The following LMNTD2 variants were observed in gnomAD, a reference collection of about 807,000 sequenced individuals.
The protein encoded by LMNTD2 is lamin tail domain-containing protein 2.
A neutral mutation model predicts 70.1 loss-of-function variants in LMNTD2; 83 were observed. That is an observed-to-expected ratio of 1.18 (90% CI 0.99 to 1.42). LMNTD2 has a LOEUF of 1.42. LMNTD2 is among the 40% of genes most tolerant of loss of function. LMNTD2 has a pLI of 0.00. For synonymous variants in LMNTD2, 534 were observed against 406.1 expected (o/e 1.31, Z -3.79); for missense variants, 1,153 against 905.9 (o/e 1.27, Z -3.50).
At chr11:559,905 A>AC (rs1401338541) in intron 1 of LMNTD2, 1 of 341,212 alleles carries the variant, frequency 2.9e-6, no homozygotes, top group African/African-American at 2.2e-5. Context: ...AACTACAGGC[A>AC]CCCGCCTCCA....
In LMNTD2 at chr11:558,028, G is replaced by A. The variant is rs879462920; in HGVS notation, c.411C>T (p.His137=). 2 of 1,579,658 alleles carry A rather than the reference G, an allele frequency of 1.3e-6. No homozygotes were observed. The highest frequency in any genetic ancestry group is 1.8e-5 in the Admixed American group (1 of 57,002). Residue 137 remains histidine, a synonymous_variant, in exon 5 of 14, where the codon CAC becomes CAT. Transcript: ENST00000329451. ...QKERAQWEKE[H]LEERLLQTTR... is the part of the protein sequence containing the mutation. The stretch of plus-strand genomic sequence containing the variant: ...TGGTCTGCAGCAGCCGCTCCTCCAG[G>A]TGCTCCTTCTCCTGCTCCGAGAGGG...
rs1019674211 is a variant in LMNTD2 at position 558,463 on chromosome 11, C to T, written c.311+151G>A. 6.0e-5 allele frequency: 67 copies of T among 1,120,372 alleles called. No individual in the cohort carries two copies. In the African/African-American group the frequency reaches 8.6e-4, roughly 14 times the overall value. 69.4% of individuals were successfully genotyped at this position (1,120,372 alleles called of 1,614,324 possible). ...CGCAGGGTTAGGGTGGAGGCTATAG[C>T]GTGTTAACTTAGGATCAGGGTGGAG... On this transcript the variant is annotated intron_variant, in intron 3 of 13. Coordinates refer to ENST00000329451, the MANE Select transcript of LMNTD2 (RefSeq NM_173573.3).
chr11:555,687 CG>C, intron 12 of LMNTD2, 46 bp downstream of exon 12: 1 of 1,362,788 alleles, frequency 7.3e-7, no homozygotes, highest in Non-Finnish European at 9.4e-7. Context: ...TCTGCTGGGT[CG>C]GGGCCTGGGG....
intron 7 of LMNTD2, 47 bp downstream of exon 7, chr11:557,352 G>A (rs1262878613): frequency 6.4e-7 from 1 of 1,550,738 alleles, no homozygotes; most frequent in Admixed American, 1.9e-5. Flanking sequence ...TTGCCAAGGT[G>A]AGCCCTCCCT....
At position 557,155 on chromosome 11, in the gene LMNTD2, G is replaced by A. The variant is rs549885966; in HGVS notation, c.714-58C>T. The A allele has an allele frequency of 6.3e-4, 953 of 1,507,998 alleles. 1 individual carries two copies. Among genetic ancestry groups the A allele is most frequent in the Non-Finnish European group, 8.1e-4 (916 of 1,124,618 alleles). The allele number at this position is 1,507,998 out of a possible 1,614,324, so 93.4% of individuals were successfully genotyped here. On this transcript the variant is annotated intron_variant, in intron 7 of 13. Coordinates refer to ENST00000329451, the MANE Select transcript of LMNTD2 (RefSeq NM_173573.3). ...AGCTCCAGACCCCAGCCCTGCCCCC[G>A]TCCAGCCTCACAAGGCAGTGCAGCA...
intron 1 of LMNTD2, chr11:559,312 T>TC: frequency 7.2e-7 from 1 of 1,395,912 alleles, no homozygotes; most frequent in Non-Finnish European, 9.5e-7. Flanking sequence ...CTCTCTCTTG[T>TC]CCCCCCAGCT....
rs770792181 is a variant in LMNTD2 at position 556,301 on chromosome 11, C to G, written c.1148G>C (p.Ser383Thr). The G allele has an allele frequency of 5.9e-6, 9 of 1,535,488 alleles. No homozygotes were observed. Among genetic ancestry groups the G allele is most frequent in the Middle Eastern group, 1.7e-4 (1 of 5,940 alleles). ...FVRIFNPSQE[S>T]TADLSGMVLK... ...CACCATGCCGCTCAGGTCGGCCGTG[C>G]TCTCCTGCGACGGGTTGAAGATGCG... Residue 383 changes from serine (S) to threonine (T), a missense_variant, in exon 10 of 14, where the codon AGC (serine) becomes ACC (threonine). Physicochemically the swap from Ser to Thr is moderately conservative, Grantham distance 58. Coordinates refer to ENST00000329451, the MANE Select transcript of LMNTD2 (RefSeq NM_173573.3).
In LMNTD2 at chr11:558,989, A is replaced by T; in HGVS notation, c.35-10T>A. 6.3e-7 allele frequency: 1 copy of T among 1,597,414 alleles called. No individual in the cohort carries two copies. Among genetic ancestry groups the T allele is most frequent in the Non-Finnish European group, 8.5e-7 (1 of 1,178,336 alleles). On this transcript the variant is annotated splice_polypyrimidine_tract_variant and intron_variant, in intron 1 of 13. Transcript: ENST00000329451. ...CTGACCGACTCTTGCTCTGTGGGGGACAGGAGAGCCTCTTCCTCGGTTTCT... is the reference window on the plus strand; with the variant it reads ...CTGACCGACTCTTGCTCTGTGGGGGTCAGGAGAGCCTCTTCCTCGGTTTCT...
rs1307029508 is a variant in LMNTD2 at position 556,834 on chromosome 11, C to G, written c.976+1G>C. 2 of 1,567,642 alleles carry G rather than the reference C, an allele frequency of 1.3e-6. No homozygotes were observed. Among genetic ancestry groups the G allele is most frequent in the East Asian group, 4.6e-5 (2 of 43,654 alleles). On this transcript the variant is annotated splice_donor_variant, in intron 8 of 13. Transcript: ENST00000329451. LOFTEE classifies it high-confidence loss of function. ...ACCAGGGGAGACCCGCCCCACTGCA[C>G]CTTCTGAGTCCCTGCTGTAGCTGCC...
rs1198956579 is a variant in LMNTD2, at chr11:557,419, C to T, written c.693G>A (p.Met231Ile). ...GTTACTTTTGCTTTGAGCTGGGCTC[C>T]ATGTTGGTGAAGAGGTTGGGATACC... Reference protein sequence around the residue: ...ARRYPNLFTNMEPSSKQKQPR... With the variant: ...ARRYPNLFTNIEPSSKQKQPR... The change falls in exon 7 of 14, where the codon ATG becomes ATA. Residue 231 changes from methionine (M) to isoleucine (I), a missense_variant. By Grantham distance (10) the Met-to-Ile change is conservative (BLOSUM62 1). Transcript: ENST00000329451. 13 of 1,607,488 alleles carry T rather than the reference C, an allele frequency of 8.1e-6. No homozygotes were observed. The highest frequency in any genetic ancestry group is 1.1e-5 in the Non-Finnish European group (13 of 1,176,866).
At position 556,987 on chromosome 11, in the gene LMNTD2, G is replaced by C; in HGVS notation, c.824C>G (p.Thr275Ser). 6.2e-7 allele frequency: 1 copy of C among 1,608,068 alleles called. No homozygotes were observed. Among genetic ancestry groups the C allele is most frequent in the Non-Finnish European group, 8.5e-7 (1 of 1,179,118 alleles). The change falls in exon 8 of 14, where the codon ACC becomes AGC. Residue 275 changes from threonine to serine, a missense_variant. Thr to Ser is a moderately conservative substitution (Grantham distance 58). Transcript: ENST00000329451. The part of the protein sequence containing the change: ...VEWGSLPCLN[T>S]SSSGGADSDS... ...GGAGTCAGCGCCCCCTGAGCTGCTG[G>C]TGTTCAGACAGGGCAGGGAGCCCCA...
At chr11:559,516 G>C in intron 1 of LMNTD2, 2 of 1,269,544 alleles carry the variant, frequency 1.6e-6, no homozygotes, top group South Asian at 2.5e-5. Context: ...AGGTGTGAGA[G>C]GCTGAGCCAC....
chr11:560,483 G>C (rs1032888875), intron 1 of LMNTD2, 200 bp downstream of exon 1: 1 of 1,256,338 alleles, frequency 8.0e-7, no homozygotes. Context: ...GCGACCCCGC[G>C]ACCCCTGCGC....
intron 1 of LMNTD2, 103 bp from the exon 2 acceptor site, chr11:559,082 C>T (rs1397120840): frequency 3.2e-5 from 49 of 1,545,718 alleles, no homozygotes; most frequent in Middle Eastern, 1.7e-4. Context: ...GTGGGGGGCC[C>T]GTCTGCCGTG....
At position 555,065 on chromosome 11, in the gene LMNTD2, G is replaced by T; in HGVS notation, c.1820C>A (p.Ser607Ter). 3 of 1,582,902 alleles carry T rather than the reference G, an allele frequency of 1.9e-6. No individual in the cohort carries two copies. Among genetic ancestry groups the T allele is most frequent in the African/African-American group, 1.4e-5 (1 of 71,252 alleles). Residue 607 changes from serine (S) to a stop codon, truncating the protein, a stop_gained, in exon 14 of 14, where the codon TCG becomes TAG. Transcript: ENST00000329451. LOFTEE classifies it low-confidence loss of function (END_TRUNC). ...TCTGCTCTCCGCCGTGTTCTGCACC[G>T]ACAGGGCCACCAGGGGGCAGCTACG... is the stretch of plus-strand genomic sequence containing the variant. ...VDRSCPLVAL[S>*]VQNTAESRFG...
Position 556,961 on chromosome 11 carries a change from CG to C in LMNTD2, c.849del (p.Asp284ThrfsTer15). On this transcript the variant is annotated frameshift_variant, in exon 8 of 14. Transcript: ENST00000329451. LOFTEE classifies it high-confidence loss of function. Reference sequence around the variant, plus strand: ...AGGCCCGGCCGGCAGCTGCTGGAGTCGGAGTCAGCGCCCCCTGAGCTGCTGG... The same window carrying C: ...AGGCCCGGCCGGCAGCTGCTGGAGTCGAGTCAGCGCCCCCTGAGCTGCTGG... ...LNTSSSGGAD[S>X]DSSSCRPGLP... The C allele has an allele frequency of 1.2e-6, 2 of 1,604,468 alleles. No individual in the cohort carries two copies. Among genetic ancestry groups the C allele is most frequent in the Non-Finnish European group, 1.7e-6 (2 of 1,178,648 alleles).
rs1393894635 is a variant in LMNTD2, at chr11:556,305, C to T, written c.1144G>A (p.Glu382Lys). The T allele has an allele frequency of 1.9e-5, 29 of 1,535,532 alleles. No homozygotes were observed. In the Admixed American group the frequency reaches 4.1e-4, roughly 22 times the overall value. ...ATGCCGCTCAGGTCGGCCGTGCTCT[C>T]CTGCGACGGGTTGAAGATGCGGACG... ...KFVRIFNPSQ[E>K]STADLSGMVL... The change falls in exon 10 of 14, where the codon GAG (glutamate) becomes AAG (lysine). Residue 382 changes from glutamate to lysine, a missense_variant. Transcript: ENST00000329451.
chr11:558,564 CG>C, intron 3 of LMNTD2, 49 bp downstream of exon 3: 1 of 1,444,776 alleles, frequency 6.9e-7, no homozygotes, highest in South Asian at 1.2e-5. Context: ...ACCAGGAGTC[CG>C]GGCGAGGACA....
At chr11:557,791 G>A in intron 5 of LMNTD2, 93 bp downstream of exon 5, 1 of 1,516,496 alleles carries the variant, frequency 6.6e-7, no homozygotes. Context: ...CAGGCTTCCA[G>A]GCAGGCCAGG....
Sources: allele counts gnomAD v4.1 joint callset, GRCh38; gene constraint gnomAD v4.1.1; transcripts MANE v1.5; gene names NCBI Gene and HGNC (gene_info 2026-07-23, HGNC 2026-07-21).